TNRC6B: variants seen among roughly 807,000 people sequenced by gnomAD.
TNRC6B encodes trinucleotide repeat-containing gene 6B protein.
A neutral mutation model predicts 203.6 loss-of-function variants in TNRC6B; 52 were observed. The observed-to-expected ratio is 0.26, with a 90% confidence interval of 0.20 to 0.32. The LOEUF is 0.32. Among genes scored for constraint, TNRC6B ranks in the 10% least tolerant of loss-of-function variants. The probability of loss-of-function intolerance (pLI) is 1.00; values close to 1 mark genes in which losing one functional copy is unlikely to be tolerated. For synonymous variants in TNRC6B, 838 were observed against 845.7 expected, an observed-to-expected ratio of 0.99 and a Z score of 0.16; for missense variants, 1,923 against 2,286.2, an observed-to-expected ratio of 0.84 and a Z score of 3.24.
At chr22:40,187,568 C>G (rs1048132363) in intron 1 of TNRC6B, among the ~76,000 whole-genome samples, 1 of 152,032 alleles carries the variant, frequency 6.6e-6, no homozygotes, top group Non-Finnish European at 1.5e-5. Context: ...CTTTTGCACT[C>G]CCTGGAGTCA....
intron 13 of TNRC6B, 54 bp downstream of exon 13, chr22:40,300,640 T>TC: frequency 6.4e-7 from 1 of 1,565,960 alleles, no homozygotes; most frequent in Admixed American, 2.0e-5. Flanking sequence ...TTTTTTTTTT[T>TC]CTTTAGCTTT....
chr22:40,299,158 C>CAA (rs796432826), intron 12 of TNRC6B, among the ~76,000 whole-genome samples: 8 of 103,064 alleles, frequency 7.8e-5, no homozygotes, highest in South Asian at 3.0e-4. Context: ...AAAAAAAAAA[C>CAA]AAAAAAAAAA....
At chr22:40,131,695 A>G (rs1339422232) in intron 3 of TNRC6B, among the ~76,000 whole-genome samples, 1 of 152,334 alleles carries the variant, frequency 6.6e-6, no homozygotes, top group Non-Finnish European at 1.5e-5. Flanking sequence ...GCAGGAAGAA[A>G]GAATGTTAAA....
Position 40,278,046 on chromosome 22 carries a change from T to C in TNRC6B, c.3262+2T>C. On this transcript the variant is annotated splice_donor_variant, in intron 9 of 22. Coordinates refer to ENST00000454349, the MANE Select transcript of TNRC6B (RefSeq NM_001162501.2). LOFTEE classifies it high-confidence loss of function. The stretch of plus-strand genomic sequence containing the variant: ...GCAGCAAAATGGATTTGTCTGTAGG[T>C]GTGTATCACTCCGCTGAAAAGAATG... The C allele has an allele frequency of 6.4e-7, 1 of 1,560,230 alleles. No homozygotes were observed. Among genetic ancestry groups the C allele is most frequent in the Non-Finnish European group, 8.7e-7 (1 of 1,149,960 alleles).
chr22:40,068,435 A>C (rs1004343635), intron 1 of TNRC6B, among the ~76,000 whole-genome samples: 1 of 152,082 alleles, frequency 6.6e-6, no homozygotes, highest in African/African-American at 2.4e-5. Flanking sequence ...GTCCTGCCTC[A>C]GCCTCCTGAG....
chr22:40,154,860 A>ATATATATATAT (rs1373735446), intron 3 of TNRC6B, among the ~76,000 whole-genome samples: 5 of 23,588 alleles, frequency 2.1e-4, no homozygotes, highest in Non-Finnish European at 2.5e-4. Flanking sequence ...AAAAAAAAAA[A>ATATATATATAT]ATATATATAT....
chr22:40,273,699 C>CT, intron 7 of TNRC6B, 99 bp downstream of exon 7: 1 of 1,344,176 alleles, frequency 7.4e-7, no homozygotes, highest in South Asian at 1.5e-5. Flanking sequence ...AGTTCTCCCT[C>CT]TGTCACCCAG....
At chr22:40,279,138 G>T (rs2070691620) in intron 9 of TNRC6B, among the ~76,000 whole-genome samples, 1 of 152,188 alleles carries the variant, frequency 6.6e-6, no homozygotes, top group Admixed American at 6.5e-5. Context: ...TGCCAGTCCT[G>T]TCTGTACCAG....
chr22:40,220,424 G>T (rs2069692327), intron 1 of TNRC6B, among the ~76,000 whole-genome samples: 1 of 152,138 alleles, frequency 6.6e-6, no homozygotes, highest in Non-Finnish European at 1.5e-5. Context: ...CCATTGGGGT[G>T]CCTTTGTCAC....
In TNRC6B at chr22:40,334,461, A is replaced by C. The variant is rs893514622; in HGVS notation, c.*11220A>C. ...CTGTTCCCACTCCTAACTCTCCACT[A>C]TGTGCTTATAACTTCACATTCTATG... On this transcript the variant is annotated 3_prime_UTR_variant, in exon 23 of 23. Coordinates refer to ENST00000454349, the MANE Select transcript of TNRC6B (RefSeq NM_001162501.2). The C allele has an allele frequency of 1.3e-5, 2 of 152,522 alleles. No homozygotes were observed. The highest frequency in any genetic ancestry group is 2.9e-5 in the Non-Finnish European group (2 of 68,014). 9.4% of individuals were successfully genotyped at this position (152,522 alleles called of 1,614,324 possible).
rs114173846 is a variant in TNRC6B, at chr22:40,058,701, G to T, written c.-121+13703G>T. Reference sequence around the variant, plus strand: ...CTACTTCACCTCCGTCTGGAGAGGCGTGATGCTGTTGGATACCCTGTCGCT... The same window carrying T: ...CTACTTCACCTCCGTCTGGAGAGGCTTGATGCTGTTGGATACCCTGTCGCT... On this transcript the variant is annotated intron_variant, in intron 1 of 23. Coordinates refer to the TNRC6B transcript ENST00000301923. Among the ~76,000 whole-genome samples the T allele has an allele frequency of 2.3e-3, 344 of 152,334 alleles. 1 individual carries two copies. The highest frequency in any genetic ancestry group is 7.9e-3 in the African/African-American group (328 of 41,584).
At chr22:40,077,838 C>G (rs926550515) in intron 1 of TNRC6B, among the ~76,000 whole-genome samples, 1 of 152,118 alleles carries the variant, frequency 6.6e-6, no homozygotes, top group African/African-American at 2.4e-5. Flanking sequence ...GCATTGAGAT[C>G]AGCTCTGCTC....
At chr22:40,112,685 GAAAGATT>G (rs1025393086) in intron 1 of TNRC6B, among the ~76,000 whole-genome samples, 9 of 152,312 alleles carry the variant, frequency 5.9e-5, no homozygotes, top group Non-Finnish European at 1.0e-4. Flanking sequence ...AAATGCTAGA[GAAAGATT>G]AAAGGAAGAA....
At chr22:40,256,744 CT>C (rs767891904) in intron 3 of TNRC6B, among the ~76,000 whole-genome samples, 33 of 152,276 alleles carry the variant, frequency 2.2e-4, no homozygotes, top group African/African-American at 6.0e-4. Flanking sequence ...CTGATCCCCC[CT>C]GATCAAGAGT....
intron 2 of TNRC6B, among the ~76,000 whole-genome samples, chr22:40,250,750 A>G (rs926968634): frequency 2.6e-5 from 4 of 152,212 alleles, no homozygotes; most frequent in Admixed American, 2.0e-4. Context: ...TCTGATGATG[A>G]GTCCCTGAGG....
At chr22:40,176,282 C>T (rs1431661750), upstream of TNRC6B, among the ~76,000 whole-genome samples, 2 of 152,082 alleles carry the variant, frequency 1.3e-5, no homozygotes, top group African/African-American at 4.8e-5. Context: ...GCATGTGCCA[C>T]CACGCTGGCT....
At chr22:40,091,665 G>A (rs943956962) in intron 1 of TNRC6B, among the ~76,000 whole-genome samples, 1 of 152,184 alleles carries the variant, frequency 6.6e-6, no homozygotes, top group Non-Finnish European at 1.5e-5. Flanking sequence ...TCAATGAAAT[G>A]TCCTTGCATT....
rs533819402 is a variant in TNRC6B, at chr22:40,184,501, T to A, written c.5+6361T>A. Among the ~76,000 whole-genome samples, 19 of 152,304 alleles carry A rather than the reference T, an allele frequency of 1.2e-4. No homozygotes were observed. In the South Asian group the frequency reaches 3.9e-3, roughly 32 times the overall value. Reference sequence around the variant, plus strand: ...CCTTGACCAGATGCAGAAGAGTGTATAAGCCACGTTTGAAAGTCTTTTTCC... The same window carrying A: ...CCTTGACCAGATGCAGAAGAGTGTAAAAGCCACGTTTGAAAGTCTTTTTCC... On this transcript the variant is annotated intron_variant, in intron 1 of 22. Transcript: ENST00000454349.
chr22:40,276,095 C>T (rs2146516029), intron 7 of TNRC6B, among the ~76,000 whole-genome samples: 1 of 152,232 alleles, frequency 6.6e-6, no homozygotes, highest in Admixed American at 6.5e-5. Context: ...CACCTGTAAT[C>T]CCAGCACTTT....
Sources: gnomAD v4.1 joint callset for allele counts (sites outside exome capture counted in the v4.1 genomes callset) on GRCh38, gnomAD v4.1.1 for gene constraint, MANE v1.5 for transcripts, NCBI Gene and HGNC (gene_info 2026-07-23, HGNC 2026-07-21) for gene names.